The following DISC1 variants were observed in gnomAD, a reference collection of about 807,000 sequenced individuals.
The protein encoded by DISC1 is DISC1 scaffold protein, also known as disrupted in schizophrenia 1 protein.
In DISC1, 57 loss-of-function variants were observed where a neutral mutation model predicts 84.5. The observed-to-expected ratio is 0.67, with a 90% CI of 0.55 to 0.84. The LOEUF is 0.84. Ranked by LOEUF, DISC1 falls within the 40% of genes least tolerant of loss-of-function variation. The probability of loss-of-function intolerance (pLI) is 0.00; values close to 1 mark genes in which losing one functional copy is unlikely to be tolerated. For synonymous variants in DISC1, 411 were observed against 415.2 expected, an observed-to-expected ratio of 0.99 and a Z score of 0.12; for missense variants, 1,000 against 1,057.8, an observed-to-expected ratio of 0.95 and a Z score of 0.76.
At chr1:231,774,712 C>T in intron 6 of DISC1, 1 of 455,968 alleles carries the variant, frequency 2.2e-6, no homozygotes, top group Non-Finnish European at 4.4e-6. Flanking sequence ...TTGGGCTTTC[C>T]ATTTGAGAAG....
At chr1:231,963,501 G>A (rs1434368101) in intron 10 of DISC1, among the ~76,000 whole-genome samples, 1 of 151,776 alleles carries the variant, frequency 6.6e-6, no homozygotes, top group Non-Finnish European at 1.5e-5. Context: ...CCCTCTGCAT[G>A]TGCCCTGGTG....
intron 10 of DISC1, among the ~76,000 whole-genome samples, chr1:232,004,851 CCCTCCCTCCCTCCCTG>C (rs748647407): frequency 0.013 from 1,338 of 104,872 alleles, 29 homozygotes; most frequent in Non-Finnish European, 0.021. Flanking sequence ...CTCCATCTCT[CCCTCCCTCCCTCCCTG>C]CCTCCCTCCC....
intron 7 of DISC1, 53 bp downstream of exon 7, chr1:231,795,349 G>C: frequency 1.3e-6 from 2 of 1,526,508 alleles, no homozygotes; most frequent in Non-Finnish European, 1.8e-6. Context: ...GTTTTCGTTT[G>C]ACTTGATTTT....
At chr1:231,816,709 T>C (rs1051878761) in intron 8 of DISC1, among the ~76,000 whole-genome samples, 2 of 152,214 alleles carry the variant, frequency 1.3e-5, no homozygotes, top group African/African-American at 4.8e-5. Context: ...TGGTTGGCTG[T>C]ATATGTGTTA....
At chr1:231,931,866 G>A (rs1294382992) in intron 9 of DISC1, among the ~76,000 whole-genome samples, 1 of 151,948 alleles carries the variant, frequency 6.6e-6, no homozygotes, top group East Asian at 1.9e-4. Flanking sequence ...TGCCCAGGGT[G>A]GTCTTGAACT....
chr1:231,794,353 T>A (rs2078596024), intron 6 of DISC1, among the ~76,000 whole-genome samples: 2 of 152,340 alleles, frequency 1.3e-5, no homozygotes, highest in Admixed American at 1.3e-4. Context: ...TTTTCTCCAT[T>A]GCTCAAGGCA....
chr1:231,756,062 T>A (rs1195260572), intron 4 of DISC1, among the ~76,000 whole-genome samples: 1 of 152,250 alleles, frequency 6.6e-6, no homozygotes, highest in Non-Finnish European at 1.5e-5. Flanking sequence ...CCTGCCCAGC[T>A]GCCCAGCATT....
At chr1:231,633,617 T>G (rs2058930701) in intron 1 of DISC1, among the ~76,000 whole-genome samples, 1 of 152,200 alleles carries the variant, frequency 6.6e-6, no homozygotes, top group Non-Finnish European at 1.5e-5. Flanking sequence ...CCGAATGTCG[T>G]AGCTACTTTA....
intron 9 of DISC1, among the ~76,000 whole-genome samples, chr1:231,958,381 A>G (rs374303357): frequency 7.2e-5 from 11 of 152,270 alleles, no homozygotes; most frequent in Non-Finnish European, 1.0e-4. Flanking sequence ...TTATTTCTCA[A>G]TGAAAGGTTC....
intron 3 of DISC1, among the ~76,000 whole-genome samples, chr1:231,730,994 A>C (rs2071444025): frequency 6.6e-6 from 1 of 152,238 alleles, no homozygotes; most frequent in Admixed American, 6.5e-5. Context: ...GCTAAAAAAA[A>C]AAAATCACAG....
rs200710660 is a variant in DISC1, at chr1:231,962,373, GT to G, written c.2042+3488del. 2.7e-3 allele frequency among the ~76,000 whole-genome samples: 407 copies of G among 152,220 alleles called. 16 individuals are homozygous for G. The East Asian group carries it at 0.055, about 21-fold the overall frequency. ...TAATTTCTTTTTCTGTGCAGAAATGGTTTAGTTTGATTAGGTCCCACTTGTC... is the reference window on the plus strand; with the variant it reads ...TAATTTCTTTTTCTGTGCAGAAATGGTTAGTTTGATTAGGTCCCACTTGTC... On this transcript the variant is annotated intron_variant, in intron 10 of 12. Coordinates refer to ENST00000439617, the MANE Select transcript of DISC1 (RefSeq NM_018662.3).
intron 1 of DISC1, among the ~76,000 whole-genome samples, chr1:231,651,433 T>C (rs1217211230): frequency 6.6e-6 from 1 of 152,182 alleles, no homozygotes; most frequent in Middle Eastern, 3.2e-3. Flanking sequence ...CAGTAAATAT[T>C]GCTGCCTGAT....
intron 4 of DISC1, among the ~76,000 whole-genome samples, chr1:231,758,067 CTG>C (rs2075314141): frequency 1.3e-5 from 2 of 151,818 alleles, no homozygotes; most frequent in Admixed American, 1.3e-4. Flanking sequence ...ATGCTCCACA[CTG>C]TTTTTTTTTT....
Position 231,938,823 on chromosome 1 carries a change from G to A in DISC1, c.1982-20005G>A, listed in dbSNP as rs541569024. Among the ~76,000 whole-genome samples, 143 of 152,232 alleles carry A rather than the reference G, an allele frequency of 9.4e-4. 1 individual carries two copies. The highest frequency in any genetic ancestry group is 6.8e-3 in the Middle Eastern group (2 of 294). On this transcript the variant is annotated intron_variant, in intron 9 of 12. Coordinates refer to ENST00000439617, the MANE Select transcript of DISC1 (RefSeq NM_018662.3). Reference sequence around the variant, plus strand: ...ATTCTGCTGAATCCCAAAGCCTCACGACTTTCTTCTGTTAGGCAACTCTGC... The same window carrying A: ...ATTCTGCTGAATCCCAAAGCCTCACAACTTTCTTCTGTTAGGCAACTCTGC...
At chr1:231,973,276 G>A (rs1662287139) in intron 10 of DISC1, among the ~76,000 whole-genome samples, 1 of 152,128 alleles carries the variant, frequency 6.6e-6, no homozygotes. Context: ...TCGAACTCCT[G>A]ACCTCGTGAT....
chr1:231,750,178 G>T, intron 4 of DISC1, 102 bp downstream of exon 4: 1 of 1,493,022 alleles, frequency 6.7e-7, no homozygotes, highest in Non-Finnish European at 8.9e-7. Context: ...AGAGACCCTT[G>T]GCTGCCTTTC....
chr1:232,016,642 A>G (rs1668514715), intron 11 of DISC1, among the ~76,000 whole-genome samples: 1 of 152,240 alleles, frequency 6.6e-6, no homozygotes, highest in Admixed American at 6.5e-5. Context: ...AGGCCAATTA[A>G]CATATGCCAA....
intron 9 of DISC1, among the ~76,000 whole-genome samples, chr1:231,860,192 C>T (rs1220849267): frequency 1.3e-5 from 2 of 152,118 alleles, no homozygotes. Context: ...ATCTATAAAA[C>T]TTTAAAGAAT....
intron 9 of DISC1, among the ~76,000 whole-genome samples, chr1:231,882,104 G>A (rs1304989559): frequency 1.3e-5 from 2 of 152,270 alleles, no homozygotes; most frequent in Non-Finnish European, 1.5e-5. Flanking sequence ...CAGGCTTTGC[G>A]GGCACAGATT....
Sources: gnomAD v4.1 joint callset for allele counts (sites outside exome capture counted in the v4.1 genomes callset) on GRCh38, gnomAD v4.1.1 for gene constraint, MANE v1.5 for transcripts, NCBI Gene and HGNC (gene_info 2026-07-23, HGNC 2026-07-21) for gene names.